STYXL1: variants seen among roughly 807,000 people sequenced by gnomAD.
STYXL1 encodes the protein serine/threonine/tyrosine-interacting-like protein 1.
Under a neutral mutation model 36.4 loss-of-function variants are expected in STYXL1, and 32 were observed. The ratio of observed to expected loss-of-function variants is 0.88; its 90% CI spans 0.66 to 1.18. The LOEUF is 1.18. Ranked by LOEUF, STYXL1 falls within the 50% of genes most tolerant of loss-of-function variation. The probability of loss-of-function intolerance (pLI) is 0.00; values close to 1 mark genes in which losing one functional copy is unlikely to be tolerated. For synonymous variants in STYXL1, 133 were observed against 144.1 expected (o/e 0.92, Z 0.55); for missense variants, 354 against 394.1 (o/e 0.90, Z 0.86).
chr7:76,007,569 C>T (rs1468002882), intron 5 of STYXL1, among the ~76,000 whole-genome samples: 1 of 152,064 alleles, frequency 6.6e-6, no homozygotes, highest in Admixed American at 6.6e-5. Flanking sequence ...ACTGTACAAA[C>T]GGACAGCTGT....
rs528469396 is a variant in STYXL1 at position 76,042,390 on chromosome 7, CTTTTTTTTTTTTTTTTT to C, written c.-5+5255_-5+5271del. 1.9e-4 allele frequency among the ~76,000 whole-genome samples: 8 copies of C among 41,836 alleles called. 1 individual carries two copies. Among genetic ancestry groups the C allele is most frequent in the South Asian group, 2.1e-3 (2 of 950 alleles). 27.4% of individuals were successfully genotyped at this position (41,836 alleles called of 152,430 possible). On this transcript the variant is annotated intron_variant, in intron 1 of 8. Transcript: ENST00000359697. ...ACTGCTCCCTGGGTGCCCTTATGTG[CTTTTTTTTTTTTTTTTT>C]TTTTTTTTTTTTTTTAAGATGGAGT... is the stretch of plus-strand genomic sequence containing the variant.
intron 1 of STYXL1, among the ~76,000 whole-genome samples, chr7:76,043,554 C>G (rs1796683804): frequency 6.6e-6 from 1 of 151,740 alleles, no homozygotes; most frequent in Admixed American, 6.6e-5. Context: ...ATTGAAGCAG[C>G]AAGACTGAGA....
rs782004336 is a variant in STYXL1, at chr7:76,030,422, C to CA, written c.101dup (p.Leu34PhefsTer10). The CA allele has an allele frequency of 3.7e-6, 6 of 1,608,576 alleles. No homozygotes were observed. The highest frequency in any genetic ancestry group is 5.1e-6 in the Non-Finnish European group (6 of 1,175,260). ...CTCCGCTTTTTTCCAAGTACTTACCCAATAAACAGAGATAGTTGGGGTCTG... is the reference window on the plus strand; with the variant it reads ...CTCCGCTTTTTTCCAAGTACTTACCCAAATAAACAGAGATAGTTGGGGTCTG... On this transcript the variant is annotated frameshift_variant and splice_region_variant, in exon 2 of 9. Transcript: ENST00000359697. LOFTEE classifies it high-confidence loss of function.
At chr7:76,010,870 C>A (rs1222036841) in intron 5 of STYXL1, among the ~76,000 whole-genome samples, 1 of 152,114 alleles carries the variant, frequency 6.6e-6, no homozygotes, top group Non-Finnish European at 1.5e-5. Flanking sequence ...ATTAAACCGC[C>A]CTAGCTTCTA....
At chr7:76,040,754 T>G (rs1796402978) in intron 1 of STYXL1, among the ~76,000 whole-genome samples, 1 of 151,058 alleles carries the variant, frequency 6.6e-6, no homozygotes, top group South Asian at 2.1e-4. Context: ...GAAAATCGCT[T>G]GAACCTGGGA....
rs782178294 is a variant in STYXL1 at position 76,003,816 on chromosome 7, T to C, written c.639A>G (p.Ile213Met). 54 of 1,614,100 alleles carry C rather than the reference T, an allele frequency of 3.3e-5. No individual in the cohort carries two copies. The highest frequency in any genetic ancestry group is 3.9e-5 in the Non-Finnish European group (46 of 1,180,044). Residue 213 changes from isoleucine to methionine, a missense_variant, in exon 7 of 9, where the codon ATA (isoleucine) becomes ATG (methionine). Coordinates refer to ENST00000359697, the MANE Select transcript of STYXL1 (RefSeq NM_001317785.2). Reference protein sequence around the residue: ...GDADKLLHIRIEDSPEAQILP... With the variant: ...GDADKLLHIRMEDSPEAQILP... ...GAATCTGGGCTTCCGGGGAATCTTC[T>C]ATCCGGATGTGCAGAAGCTTGTCAG...
In STYXL1 at chr7:76,013,731, TTTG is replaced by T. The variant is rs1355273363; in HGVS notation, c.453+8_453+10del. On this transcript the variant is annotated splice_region_variant and intron_variant, in intron 5 of 8. Transcript: ENST00000359697. ...CGTCTGGGCCTGCCTGTGCTCAGCA[TTTG>T]GCCCTACCTGAGGCATCCAGATGAT... 6.2e-6 allele frequency: 10 copies of T among 1,613,666 alleles called. No homozygotes were observed. Among genetic ancestry groups the T allele is most frequent in the Non-Finnish European group, 8.5e-6 (10 of 1,179,814 alleles).
In STYXL1 at chr7:76,036,447, G is replaced by T. The variant is rs191035665; in HGVS notation, c.-4-5920C>A. 3.3e-3 allele frequency among the ~76,000 whole-genome samples: 497 copies of T among 150,122 alleles called. 27 individuals carry two copies. The highest frequency in any genetic ancestry group is 0.011 in the African/African-American group (470 of 41,156). On this transcript the variant is annotated intron_variant, in intron 1 of 8. Transcript: ENST00000359697. Reference sequence around the variant, plus strand: ...TAGCTCCACCATTTGAGCCCTCAAGGATATTCTGATGTATCGTGCATTTAC... The same window carrying T: ...TAGCTCCACCATTTGAGCCCTCAAGTATATTCTGATGTATCGTGCATTTAC...
At chr7:76,021,189 T>C (rs1794016775) in intron 4 of STYXL1, among the ~76,000 whole-genome samples, 1 of 152,012 alleles carries the variant, frequency 6.6e-6, no homozygotes, top group Admixed American at 6.6e-5. Context: ...GCCATTCTCC[T>C]GCCTCAGCCT....
Position 76,030,544 on chromosome 7 carries a change from A to C in STYXL1, c.-4-17T>G, listed in dbSNP as rs1554578984. The stretch of plus-strand genomic sequence containing the variant: ...GGCATCCTGCTGGGAAGAATCAATA[A>C]CACACAAGGGTAACATAACTCTATT... On this transcript the variant is annotated splice_polypyrimidine_tract_variant and intron_variant, in intron 1 of 8. Transcript: ENST00000359697. 2.0e-6 allele frequency: 3 copies of C among 1,473,662 alleles called. No individual in the cohort carries two copies. Among genetic ancestry groups the C allele is most frequent in the Non-Finnish European group, 2.9e-6 (3 of 1,051,042 alleles). The allele number at this position is 1,473,662 out of a possible 1,614,324, so 91.3% of individuals were successfully genotyped here.
Position 76,030,537 on chromosome 7 carries a change from A to T in STYXL1, c.-4-10T>A. 1.3e-6 allele frequency: 2 copies of T among 1,522,176 alleles called. No homozygotes were observed. Among genetic ancestry groups the T allele is most frequent in the Non-Finnish European group, 1.8e-6 (2 of 1,095,452 alleles). The allele number at this position is 1,522,176 out of a possible 1,614,324, so 94.3% of individuals were successfully genotyped here. Reference sequence around the variant, plus strand: ...CAAACCAGGCATCCTGCTGGGAAGAATCAATAACACACAAGGGTAACATAA... The same window carrying T: ...CAAACCAGGCATCCTGCTGGGAAGATTCAATAACACACAAGGGTAACATAA... On this transcript the variant is annotated splice_polypyrimidine_tract_variant and intron_variant, in intron 1 of 8. Coordinates refer to ENST00000359697, the MANE Select transcript of STYXL1 (RefSeq NM_001317785.2).
chr7:76,028,007 G>A (rs978829002), intron 3 of STYXL1, among the ~76,000 whole-genome samples: 1 of 152,056 alleles, frequency 6.6e-6, no homozygotes, highest in Non-Finnish European at 1.5e-5. Flanking sequence ...TCTGGAGGCT[G>A]AGCGGCGTAG....
At chr7:76,011,815 T>C (rs1792587106) in intron 5 of STYXL1, among the ~76,000 whole-genome samples, 1 of 152,212 alleles carries the variant, frequency 6.6e-6, no homozygotes, top group African/African-American at 2.4e-5. Flanking sequence ...GCCCCTTCTC[T>C]GGGCTCCAGA....
rs528469396 is a variant in STYXL1, at chr7:76,042,390, CTTTTTTTTTTTTTTTTTTTTTTTTTT to C, written c.-5+5246_-5+5271del. Among the ~76,000 whole-genome samples, 189 of 41,864 alleles carry C rather than the reference CTTTTTTTTTTTTTTTTTTTTTTTTTT, an allele frequency of 4.5e-3. 10 individuals are homozygous for C. In the South Asian group the frequency reaches 0.17, roughly 38 times the overall value. 27.5% of individuals were successfully genotyped at this position (41,864 alleles called of 152,430 possible). A position where few individuals can be genotyped will look rare whatever the true frequency, so the allele number is the denominator to read the frequency against. On this transcript the variant is annotated intron_variant, in intron 1 of 8. Transcript: ENST00000359697. ...ACTGCTCCCTGGGTGCCCTTATGTG[CTTTTTTTTTTTTTTTTTTTTTTTTTT>C]TTTTTTAAGATGGAGTCTCATTCTG...
chr7:76,008,044 C>G (rs1304631240), intron 5 of STYXL1, among the ~76,000 whole-genome samples: 1 of 151,128 alleles, frequency 6.6e-6, no homozygotes, highest in Non-Finnish European at 1.5e-5. Context: ...ACTAAAAATA[C>G]AAAAATTAGC....
chr7:76,041,170 C>A (rs1427709658), intron 1 of STYXL1, among the ~76,000 whole-genome samples: 18 of 149,916 alleles, frequency 1.2e-4, no homozygotes, highest in Non-Finnish European at 2.2e-4. Context: ...GAACCTCCCC[C>A]CATCTCCAAA....
At chr7:76,040,111 G>C (rs1796342295) in intron 1 of STYXL1, among the ~76,000 whole-genome samples, 1 of 152,154 alleles carries the variant, frequency 6.6e-6, no homozygotes, top group South Asian at 2.1e-4. Context: ...TCCTGTAAGG[G>C]TAACAGGTCT....
intron 7 of STYXL1, among the ~76,000 whole-genome samples, chr7:76,001,929 T>C (rs1220606337): frequency 6.6e-6 from 1 of 150,456 alleles, no homozygotes; most frequent in African/African-American, 2.4e-5. Flanking sequence ...TAAGAACCAC[T>C]GTGCCCAGCC....
intron 4 of STYXL1, among the ~76,000 whole-genome samples, chr7:76,021,017 C>T (rs1252563867): frequency 2.0e-5 from 3 of 152,164 alleles, no homozygotes; most frequent in Admixed American, 2.0e-4. Context: ...TGCTCTCCAA[C>T]CTGCTTGCTC....
Sources: allele counts gnomAD v4.1 joint callset (sites outside exome capture counted in the v4.1 genomes callset), GRCh38; gene constraint gnomAD v4.1.1; transcripts MANE v1.5; gene names NCBI Gene and HGNC (gene_info 2026-07-23, HGNC 2026-07-21).